The following ZNF804A variants were observed in gnomAD, a reference collection of about 807,000 sequenced individuals.
ZNF804A encodes the protein zinc finger protein 804A.
ZNF804A carries 2 observed loss-of-function variants against 16.5 expected under a neutral mutation model. The observed-to-expected ratio is 0.12, with a 90% confidence interval of 0.05 to 0.38. The LOEUF is 0.38. Ranked by LOEUF, ZNF804A falls within the 10% of genes least tolerant of loss-of-function variation. ZNF804A has a pLI of 0.99. For missense variants in ZNF804A, 1,473 were observed against 1,390.7 expected (o/e 1.06, Z -0.94); for synonymous variants, 534 against 489.6 (o/e 1.09, Z -1.20).
At chr2:184,698,294 AT>A (rs1025568746) in intron 1 of ZNF804A, among the ~76,000 whole-genome samples, 1 of 152,114 alleles carries the variant, frequency 6.6e-6, no homozygotes, top group Non-Finnish European at 1.5e-5. Context: ...TTTAAGTTAC[AT>A]TTTAATCCTC....
intron 1 of ZNF804A, among the ~76,000 whole-genome samples, chr2:184,607,712 G>A (rs1691171920): frequency 2.0e-5 from 3 of 151,990 alleles, no homozygotes; most frequent in African/African-American, 4.8e-5. Context: ...TACTTTGTTA[G>A]CCTGAATTTA....
chr2:184,720,459 C>T (rs931969596), intron 1 of ZNF804A, among the ~76,000 whole-genome samples: 2 of 151,944 alleles, frequency 1.3e-5, no homozygotes, highest in Non-Finnish European at 2.9e-5. Flanking sequence ...TTCTACACAC[C>T]AATAATGAAC....
chr2:184,810,112 A>C (rs144768844), intron 1 of ZNF804A, among the ~76,000 whole-genome samples: 326 of 152,278 alleles, frequency 2.1e-3, no homozygotes, highest in Middle Eastern at 6.8e-3. Context: ...AAACTTAGTG[A>C]AGTAAGTTTT....
intron 1 of ZNF804A, among the ~76,000 whole-genome samples, chr2:184,767,193 A>C (rs1694141273): frequency 6.6e-6 from 1 of 152,162 alleles, no homozygotes; most frequent in African/African-American, 2.4e-5. Context: ...ACTAACACAC[A>C]ACCCAAATGT....
intron 1 of ZNF804A, among the ~76,000 whole-genome samples, chr2:184,653,745 T>G (rs1045388819): frequency 6.6e-6 from 1 of 152,214 alleles, no homozygotes; most frequent in Non-Finnish European, 1.5e-5. Flanking sequence ...CATGTTCTCC[T>G]GAGGCATTCT....
intron 1 of ZNF804A, among the ~76,000 whole-genome samples, chr2:184,819,208 A>T (rs369044454): frequency 1.0e-3 from 154 of 147,296 alleles, no homozygotes; most frequent in African/African-American, 3.6e-3. Context: ...AAAGGAAATT[A>T]AAAAAAAAGT....
intron 1 of ZNF804A, among the ~76,000 whole-genome samples, chr2:184,776,481 A>AT (rs376589278): frequency 0.059 from 8,534 of 144,552 alleles, 270 homozygotes; most frequent in Middle Eastern, 0.083. Flanking sequence ...TATAAACCTC[A>AT]TTTTTTTTTT....
chr2:184,851,650 A>T (rs547827496), intron 1 of ZNF804A, among the ~76,000 whole-genome samples: 1 of 151,946 alleles, frequency 6.6e-6, no homozygotes, highest in South Asian at 2.1e-4. Context: ...ATAAATATTG[A>T]AGTACAGATA....
chr2:184,831,283 T>A (rs756083540), intron 1 of ZNF804A, among the ~76,000 whole-genome samples: 21 of 152,162 alleles, frequency 1.4e-4, no homozygotes, highest in Non-Finnish European at 2.6e-4. Context: ...AAATCAGTTT[T>A]TTTTGCATTT....
chr2:184,880,632 T>C (rs1558991126), intron 2 of ZNF804A, among the ~76,000 whole-genome samples: 1 of 152,096 alleles, frequency 6.6e-6, no homozygotes, highest in Non-Finnish European at 1.5e-5. Context: ...TCTTAGTCTG[T>C]TGTGTGCTGC....
chr2:184,792,961 G>T (rs540726049), intron 1 of ZNF804A, among the ~76,000 whole-genome samples: 1 of 151,824 alleles, frequency 6.6e-6, no homozygotes, highest in Non-Finnish European at 1.5e-5. Context: ...AGTGTCTATT[G>T]TTCCCCAATT....
chr2:184,887,757 C>G (rs1684919310), intron 2 of ZNF804A, among the ~76,000 whole-genome samples: 1 of 152,138 alleles, frequency 6.6e-6, no homozygotes, highest in African/African-American at 2.4e-5. Context: ...TTACCTCCCC[C>G]TTGGTCCCTC....
At chr2:184,717,080 A>G (rs562246763) in intron 1 of ZNF804A, among the ~76,000 whole-genome samples, 1 of 152,166 alleles carries the variant, frequency 6.6e-6, no homozygotes, top group Non-Finnish European at 1.5e-5. Flanking sequence ...TATCAGATGT[A>G]AAGACAAACG....
At chr2:184,619,184 T>C (rs1691378497) in intron 1 of ZNF804A, among the ~76,000 whole-genome samples, 1 of 152,066 alleles carries the variant, frequency 6.6e-6, no homozygotes. Flanking sequence ...CATTAATTTG[T>C]TCCAACACCA....
intron 1 of ZNF804A, among the ~76,000 whole-genome samples, chr2:184,648,646 A>G (rs1410982523): frequency 2.0e-5 from 3 of 152,146 alleles, no homozygotes; most frequent in Admixed American, 1.3e-4. Context: ...CTATTCTTAT[A>G]TCAAATAAAA....
At chr2:184,773,584 T>A (rs915193990) in intron 1 of ZNF804A, among the ~76,000 whole-genome samples, 3 of 151,876 alleles carry the variant, frequency 2.0e-5, no homozygotes, top group Non-Finnish European at 2.9e-5. Context: ...TTCTCACTCA[T>A]AAATGGGAGC....
chr2:184,784,109 A>C (rs917937472), intron 1 of ZNF804A, among the ~76,000 whole-genome samples: 1 of 151,942 alleles, frequency 6.6e-6, no homozygotes. Flanking sequence ...AGAGAAACAC[A>C]AATGAAAAGG....
chr2:184,605,440 G>C (rs1691129910), intron 1 of ZNF804A, among the ~76,000 whole-genome samples: 1 of 151,908 alleles, frequency 6.6e-6, no homozygotes, highest in South Asian at 2.1e-4. Flanking sequence ...TACATAGTAG[G>C]ACCTTCATAT....
chr2:184,729,810 G>A (rs1401518272), intron 1 of ZNF804A, among the ~76,000 whole-genome samples: 2 of 152,018 alleles, frequency 1.3e-5, no homozygotes, highest in Non-Finnish European at 2.9e-5. Flanking sequence ...CTCTGGCCAA[G>A]CCTATGGAAA....
Sources: allele counts gnomAD v4.1 joint callset (sites outside exome capture counted in the v4.1 genomes callset), GRCh38; gene constraint gnomAD v4.1.1; transcripts MANE v1.5; gene names NCBI Gene and HGNC (gene_info 2026-07-23, HGNC 2026-07-21).